Variants in NFATC3 observed in about 807,000 individuals in gnomAD.
NFATC3 encodes the protein nuclear factor of activated T cells 3.
NFATC3 carries 46 observed loss-of-function variants against 98.6 expected under a neutral mutation model. The observed-to-expected ratio is 0.47, with a 90% CI of 0.37 to 0.60. The LOEUF is 0.60. Among genes scored for constraint, NFATC3 ranks in the 20% least tolerant of loss-of-function variants. NFATC3 has a pLI of 0.00. For synonymous variants in NFATC3, 512 were observed against 472.2 expected (o/e 1.08, Z -1.09); for missense variants, 1,256 against 1,295.5 (o/e 0.97, Z 0.47).
At chr16:68,135,112 A>G (rs2037320266) in intron 3 of NFATC3, among the ~76,000 whole-genome samples, 1 of 152,032 alleles carries the variant, frequency 6.6e-6, no homozygotes, top group African/African-American at 2.4e-5. Flanking sequence ...GGGGGACTTC[A>G]TAGTGCCTTC....
At chr16:68,105,669 G>A (rs2035616054) in intron 1 of NFATC3, among the ~76,000 whole-genome samples, 1 of 152,140 alleles carries the variant, frequency 6.6e-6, no homozygotes. Context: ...GAGAAGTAGT[G>A]CTGTTAATTC....
intron 3 of NFATC3, among the ~76,000 whole-genome samples, chr16:68,148,119 G>A (rs1294283976): frequency 2.0e-5 from 3 of 152,032 alleles, no homozygotes; most frequent in African/African-American, 7.2e-5. Flanking sequence ...GGGTTCAAGC[G>A]ATTCTCCTGC....
intron 1 of NFATC3, among the ~76,000 whole-genome samples, chr16:68,092,463 A>T (rs117225319): frequency 0.032 from 4,698 of 148,808 alleles, 138 homozygotes; most frequent in African/African-American, 0.064. Context: ...AAAAAAAAAA[A>T]AAATAAATAA....
At chr16:68,221,955 G>A (rs2041879250) in intron 9 of NFATC3, among the ~76,000 whole-genome samples, 1 of 152,010 alleles carries the variant, frequency 6.6e-6, no homozygotes, top group South Asian at 2.1e-4. Flanking sequence ...GACCCTCATC[G>A]TCAGGAAAAT....
At chr16:68,163,823 T>C (rs2039038774) in intron 4 of NFATC3, among the ~76,000 whole-genome samples, 1 of 148,170 alleles carries the variant, frequency 6.7e-6, no homozygotes, top group African/African-American at 2.5e-5. Flanking sequence ...GCAGAGACGC[T>C]CCTCACTTCC....
intron 1 of NFATC3, among the ~76,000 whole-genome samples, chr16:68,110,206 T>C (rs1158602764): frequency 6.6e-6 from 1 of 152,086 alleles, no homozygotes; most frequent in South Asian, 2.1e-4. Context: ...GGTTTTACCA[T>C]GTTAGCCAGG....
Position 68,191,612 on chromosome 16 carries a change from G to A in NFATC3, c.2943G>A (p.Thr981=), listed in dbSNP as rs12598. ...AGCACTCAACTCAAGCACAAAGTACGGGCCAGGGGGGTCTTTCTGCACCTT... is the reference window on the plus strand; with the variant it reads ...AGCACTCAACTCAAGCACAAAGTACAGGCCAGGGGGGTCTTTCTGCACCTT... The part of the protein sequence containing the change: ...SGQHSTQAQS[T]GQGGLSAPSS... The change falls in exon 9 of 10, where the codon ACG becomes ACA. Residue 981 remains threonine, a synonymous_variant. Transcript: ENST00000346183. 132,070 of 1,614,022 alleles carry A rather than the reference G, an allele frequency of 0.082. 6,166 individuals carry two copies. The highest frequency in any genetic ancestry group is 0.095 in the Non-Finnish European group (112,277 of 1,179,988).
chr16:68,200,319 G>A (rs1261863644), intron 9 of NFATC3: 1 of 151,958 alleles, frequency 6.6e-6, no homozygotes, highest in Non-Finnish European at 1.5e-5. Flanking sequence ...ATGGCCTGAG[G>A]TCAGGGGATT....
At chr16:68,150,439 A>G (rs2151559816) in intron 3 of NFATC3, among the ~76,000 whole-genome samples, 1 of 146,756 alleles carries the variant, frequency 6.8e-6, no homozygotes, top group Non-Finnish European at 1.5e-5. Context: ...AAAAAAAGCT[A>G]GGTTTGGTGG....
chr16:68,086,157 T>C (rs2034362458), intron 1 of NFATC3, among the ~76,000 whole-genome samples: 1 of 152,224 alleles, frequency 6.6e-6, no homozygotes, highest in Non-Finnish European at 1.5e-5. Context: ...TCATCTATTC[T>C]AGGTCGTTTC....
At chr16:68,144,474 T>G (rs1173387742) in intron 3 of NFATC3, among the ~76,000 whole-genome samples, 1 of 152,234 alleles carries the variant, frequency 6.6e-6, no homozygotes, top group African/African-American at 2.4e-5. Context: ...GGTATACTAA[T>G]AATATTCGTA....
chr16:68,113,187 C>T (rs1028909075), intron 1 of NFATC3, among the ~76,000 whole-genome samples: 15 of 152,150 alleles, frequency 9.9e-5, no homozygotes, highest in African/African-American at 2.9e-4. Flanking sequence ...GAGATTTCAG[C>T]GTTCTTGCAT....
At chr16:68,087,048 G>A (rs2034419289) in intron 1 of NFATC3, among the ~76,000 whole-genome samples, 1 of 152,206 alleles carries the variant, frequency 6.6e-6, no homozygotes, top group African/African-American at 2.4e-5. Context: ...GTACTACTAG[G>A]AAGTCTGTGA....
chr16:68,159,285 G>C, intron 4 of NFATC3, among the ~76,000 whole-genome samples: 1 of 151,762 alleles, frequency 6.6e-6, no homozygotes. Flanking sequence ...TGAGGAAGAA[G>C]AAAAGAAAGG....
chr16:68,159,584 G>A (rs1352625595), intron 4 of NFATC3, among the ~76,000 whole-genome samples: 3 of 151,106 alleles, frequency 2.0e-5, no homozygotes, highest in Admixed American at 6.6e-5. Context: ...CACCACGCCC[G>A]GCTAATTTTT....
rs1598326086 is a variant in NFATC3 at position 68,085,380 on chromosome 16, A to T, written c.-302A>T. On this transcript the variant is annotated 5_prime_UTR_variant, in exon 1 of 10. Coordinates refer to ENST00000346183, the MANE Select transcript of NFATC3 (RefSeq NM_173165.3). ...GGCCGGGCGCGCGGCAGGGCGCGAG[A>T]GCGCACCCGCGGCGGCGGTGGCGGC... 2 of 171,322 alleles carry T rather than the reference A, an allele frequency of 1.2e-5. No individual in the cohort carries two copies. Among genetic ancestry groups the T allele is most frequent in the Non-Finnish European group, 2.2e-5 (2 of 92,872 alleles). The allele number at this position is 171,322 out of a possible 1,614,324, so 10.6% of individuals were successfully genotyped here.
intron 1 of NFATC3, among the ~76,000 whole-genome samples, chr16:68,093,554 C>T (rs981341325): frequency 1.3e-5 from 2 of 152,108 alleles, no homozygotes; most frequent in African/African-American, 2.4e-5. Context: ...GTTCTTTTTG[C>T]GCAACCTATA....
intron 4 of NFATC3, among the ~76,000 whole-genome samples, chr16:68,161,406 G>A (rs2038886551): frequency 6.6e-6 from 1 of 152,162 alleles, no homozygotes; most frequent in Admixed American, 6.5e-5. Flanking sequence ...ACTTAACTTG[G>A]CTTGAGGGAC....
At chr16:68,206,453 A>G (rs1458020414) in intron 9 of NFATC3, among the ~76,000 whole-genome samples, 1 of 152,004 alleles carries the variant, frequency 6.6e-6, no homozygotes, top group African/African-American at 2.4e-5. Context: ...GTCTCTATGA[A>G]TTTCCCTACT....
Sources: gnomAD v4.1 joint callset for allele counts (sites outside exome capture counted in the v4.1 genomes callset) on GRCh38, gnomAD v4.1.1 for gene constraint, MANE v1.5 for transcripts, NCBI Gene and HGNC (gene_info 2026-07-23, HGNC 2026-07-21) for gene names.